Variants in LIPC observed in about 807,000 individuals in gnomAD.
The protein encoded by LIPC is lipase C, hepatic type.
Under a neutral mutation model 50.7 loss-of-function variants are expected in LIPC, and 44 were observed. The observed-to-expected ratio is 0.87, with a 90% confidence interval of 0.68 to 1.11. The LOEUF is 1.11. Among genes scored for constraint, LIPC ranks in the 50% most tolerant of loss-of-function variants. The probability of loss-of-function intolerance (pLI) is 0.00; values close to 1 mark genes in which losing one functional copy is unlikely to be tolerated. For synonymous variants in LIPC, 271 were observed against 256.4 expected, an observed-to-expected ratio of 1.06 and a Z score of -0.54; for missense variants, 697 against 648.2, an observed-to-expected ratio of 1.08 and a Z score of -0.82.
intron 1 of LIPC, among the ~76,000 whole-genome samples, chr15:58,508,100 T>C (rs1176998563): frequency 1.3e-5 from 2 of 152,188 alleles, no homozygotes; most frequent in East Asian, 1.9e-4. Context: ...GTTCAGTTGA[T>C]GAAAACTCAG....
At chr15:58,511,191 T>C (rs756682935) in intron 1 of LIPC, among the ~76,000 whole-genome samples, 3 of 152,214 alleles carry the variant, frequency 2.0e-5, no homozygotes, top group Non-Finnish European at 4.4e-5. Flanking sequence ...TGATTATCCA[T>C]GGTCTTGTGT....
intron 2 of LIPC, among the ~76,000 whole-genome samples, chr15:58,539,164 A>G (rs2233741): frequency 6.6e-6 from 1 of 152,128 alleles, no homozygotes; most frequent in South Asian, 2.1e-4. Context: ...AGCACAATGT[A>G]GTAAAAGATG....
chr15:58,511,877 T>A (rs1330371570), intron 1 of LIPC, among the ~76,000 whole-genome samples: 1 of 152,192 alleles, frequency 6.6e-6, no homozygotes, highest in African/African-American at 2.4e-5. Context: ...CAATTATTGA[T>A]GTCGTGGGGG....
intron 1 of LIPC, 132 bp from the exon 2 acceptor site, chr15:58,538,200 TG>T: frequency 1.1e-6 from 1 of 887,764 alleles, no homozygotes. Context: ...CCCACAGTTG[TG>T]GCTCATTCTG....
intron 1 of LIPC, among the ~76,000 whole-genome samples, chr15:58,526,715 T>G (rs1406356258): frequency 6.6e-6 from 1 of 152,198 alleles, no homozygotes; most frequent in Non-Finnish European, 1.5e-5. Context: ...TATGTTGGGT[T>G]GAGACATGAG....
chr15:58,452,823 G>A (rs1009261125), intron 1 of LIPC, among the ~76,000 whole-genome samples: 2 of 152,220 alleles, frequency 1.3e-5, no homozygotes, highest in Admixed American at 1.3e-4. Context: ...GGAGCTGGTA[G>A]TGAGGGTACA....
chr15:58,546,173 C>A (rs892758345), intron 5 of LIPC, among the ~76,000 whole-genome samples, 198 bp downstream of exon 5: 2 of 152,246 alleles, frequency 1.3e-5, no homozygotes, highest in African/African-American at 4.8e-5. Context: ...CAGGCCACTC[C>A]TGGCAACAGG....
At chr15:58,508,714 AT>A (rs1892239717) in intron 1 of LIPC, among the ~76,000 whole-genome samples, 1 of 103,382 alleles carries the variant, frequency 9.7e-6, no homozygotes, top group South Asian at 2.8e-4. Context: ...CAAGGTTCTC[AT>A]TAGTCCCAGT....
intron 1 of LIPC, among the ~76,000 whole-genome samples, chr15:58,459,173 G>A (rs902456615): frequency 1.3e-5 from 2 of 152,150 alleles, no homozygotes; most frequent in African/African-American, 4.8e-5. Flanking sequence ...CAAAGGCCCA[G>A]TGGACATCAG....
intron 8 of LIPC, chr15:58,565,083 CT>C (rs1894314710): frequency 6.0e-6 from 6 of 1,001,038 alleles, no homozygotes; most frequent in Non-Finnish European, 8.9e-6. Flanking sequence ...ATGTATGCCC[CT>C]GAGTCCCTTT....
At chr15:58,459,872 C>T (rs1436940221) in intron 1 of LIPC, among the ~76,000 whole-genome samples, 1 of 152,226 alleles carries the variant, frequency 6.6e-6, no homozygotes, top group Non-Finnish European at 1.5e-5. Flanking sequence ...CAGGCGGGGC[C>T]CTGGGAGGCC....
rs144311843 is a variant in LIPC at position 58,568,743 on chromosome 15, T to C, written c.1416T>C (p.Asp472=). ...QRMTFCSENT[D]DLLLRPTQEK... is the part of the protein sequence containing the mutation. ...TGACATTTTGTTCAGAAAACACAGATGACCTACTACTTCGCCCAACCCAGG... is the reference window on the plus strand; with the variant it reads ...TGACATTTTGTTCAGAAAACACAGACGACCTACTACTTCGCCCAACCCAGG... Residue 472 remains aspartate, a synonymous_variant, in exon 9 of 9, where the codon GAT becomes GAC. Coordinates refer to ENST00000299022, the MANE Select transcript of LIPC (RefSeq NM_000236.3). 2.5e-5 allele frequency: 41 copies of C among 1,609,518 alleles called. No homozygotes were observed. The highest frequency in any genetic ancestry group is 3.4e-6 in the Non-Finnish European group (4 of 1,176,266).
intron 1 of LIPC, among the ~76,000 whole-genome samples, chr15:58,458,898 G>C (rs1894231782): frequency 6.6e-6 from 1 of 152,190 alleles, no homozygotes; most frequent in South Asian, 2.1e-4. Flanking sequence ...TGTGCGTTAA[G>C]TGGGGAAAAA....
intron 1 of LIPC, among the ~76,000 whole-genome samples, chr15:58,460,311 A>C (rs981099507): frequency 5.3e-5 from 8 of 152,216 alleles, no homozygotes; most frequent in Admixed American, 5.2e-4. Context: ...GAATTCAGGA[A>C]GTGGAGAACA....
At chr15:58,499,973 A>G (rs1015172696) in intron 1 of LIPC, among the ~76,000 whole-genome samples, 6 of 152,198 alleles carry the variant, frequency 3.9e-5, no homozygotes, top group Non-Finnish European at 8.8e-5. Context: ...CTGATTTGGT[A>G]CAAGAGATCC....
intron 6 of LIPC, among the ~76,000 whole-genome samples, chr15:58,557,785 G>C (rs372801324): frequency 3.3e-5 from 5 of 152,172 alleles, no homozygotes; most frequent in East Asian, 1.9e-4. Flanking sequence ...CGGTTACTAT[G>C]AGTGTTCCTT....
chr15:58,462,706 TTCC>T (rs1240147234), intron 1 of LIPC, among the ~76,000 whole-genome samples: 2 of 152,174 alleles, frequency 1.3e-5, no homozygotes, highest in Non-Finnish European at 2.9e-5. Context: ...AGCCCTTGAC[TTCC>T]TCCTCCTGTG....
At chr15:58,487,004 C>T (rs8029837) in intron 1 of LIPC, among the ~76,000 whole-genome samples, 17,505 of 152,184 alleles carry the variant, frequency 0.12, 1,194 homozygotes, top group Non-Finnish European at 0.16. Context: ...TTCCCTCCTG[C>T]GTGTGTACCT....
At chr15:58,476,227 A>C (rs574216646) in intron 1 of LIPC, among the ~76,000 whole-genome samples, 166 of 152,250 alleles carry the variant, frequency 1.1e-3, no homozygotes, top group Non-Finnish European at 1.9e-3. Context: ...CCAGGTTCTC[A>C]GAGTCTCTGG....
Sources: gnomAD v4.1 joint callset for allele counts (sites outside exome capture counted in the v4.1 genomes callset) on GRCh38, gnomAD v4.1.1 for gene constraint, MANE v1.5 for transcripts, NCBI Gene and HGNC (gene_info 2026-07-23, HGNC 2026-07-21) for gene names.